Variants in UBAP2L observed in about 807,000 individuals in gnomAD.
UBAP2L encodes the protein ubiquitin-associated protein 2-like.
UBAP2L carries 12 observed loss-of-function variants against 130.6 expected under a neutral mutation model. The ratio of observed to expected loss-of-function variants is 0.09; its 90% CI spans 0.06 to 0.15. The LOEUF is 0.15. Ranked by LOEUF, UBAP2L falls within the 10% of genes least tolerant of loss-of-function variation. UBAP2L has a pLI of 1.00. For synonymous variants in UBAP2L, 503 were observed against 524.7 expected, an observed-to-expected ratio of 0.96 and a Z score of 0.57; for missense variants, 965 against 1,332.5, an observed-to-expected ratio of 0.72 and a Z score of 4.29.
At chr1:154,236,990 G>T in intron 7 of UBAP2L, 34 bp from the exon 8 acceptor site, 1 of 1,541,100 alleles carries the variant, frequency 6.5e-7, no homozygotes, top group Non-Finnish European at 9.0e-7. Context: ...AAGCTGCTTA[G>T]AGGTCAGAGA....
intron 26 of UBAP2L, chr1:154,269,845 A>G: frequency 4.4e-6 from 1 of 228,758 alleles, no homozygotes. Flanking sequence ...AAATTGAGGC[A>G]TTAATGGGGA....
intron 11 of UBAP2L, among the ~76,000 whole-genome samples, chr1:154,247,813 G>A (rs1009299100): frequency 2.0e-5 from 3 of 152,076 alleles, no homozygotes; most frequent in Non-Finnish European, 4.4e-5. Flanking sequence ...TAATCAATAT[G>A]TTAGATAATG....
chr1:154,225,461 TTTTATC>T (rs931269708), intron 2 of UBAP2L, among the ~76,000 whole-genome samples: 1 of 152,086 alleles, frequency 6.6e-6, no homozygotes, highest in African/African-American at 2.4e-5. Context: ...GTCCTGTGCT[TTTTATC>T]TTTTTTTTTT....
intron 26 of UBAP2L, chr1:154,269,396 G>A (rs749828951): frequency 2.4e-5 from 31 of 1,312,646 alleles, no homozygotes; most frequent in Admixed American, 9.1e-5. Context: ...TGTTGCCAGC[G>A]CCAGCAGGAG....
chr1:154,242,322 A>G (rs564404199), intron 9 of UBAP2L, among the ~76,000 whole-genome samples: 1 of 152,338 alleles, frequency 6.6e-6, no homozygotes, highest in African/African-American at 2.4e-5. Context: ...AGCTTTTGTG[A>G]TAAGAGGAAA....
chr1:154,259,726 TG>T (rs1400432307), intron 21 of UBAP2L: 1 of 685,598 alleles, frequency 1.5e-6, no homozygotes, highest in Non-Finnish European at 2.6e-6. Flanking sequence ...TATTCTCAAG[TG>T]GGCATACCCG....
In UBAP2L at chr1:154,270,493, A is replaced by G. The variant is rs1457899160; in HGVS notation, c.*198A>G. ...CTGTTGTATGTATTATAGGATTTGT[A>G]TTTTCTCCTTTTTTTTCCCCCTTCC... On this transcript the variant is annotated 3_prime_UTR_variant, in exon 27 of 27. Transcript: ENST00000428931. 1.4e-6 allele frequency: 2 copies of G among 1,433,218 alleles called. No homozygotes were observed. Among genetic ancestry groups the G allele is most frequent in the East Asian group, 2.7e-5 (1 of 37,466 alleles). The allele number at this position is 1,433,218 out of a possible 1,614,324, so 88.8% of individuals were successfully genotyped here.
At chr1:154,224,693 TCTC>T (rs898200075) in intron 1 of UBAP2L, among the ~76,000 whole-genome samples, 7 of 152,228 alleles carry the variant, frequency 4.6e-5, no homozygotes, top group Non-Finnish European at 8.8e-5. Flanking sequence ...TGTAGACTAA[TCTC>T]CTTCCTGGAA....
rs370017648 is a variant in UBAP2L at position 154,270,770 on chromosome 1, G to GTTTTTTTTTTTTTTTT, written c.*476_*491dup. The GTTTTTTTTTTTTTTTT allele has an allele frequency of 7.8e-5, 72 of 922,502 alleles. 1 individual carries two copies. Among genetic ancestry groups the GTTTTTTTTTTTTTTTT allele is most frequent in the East Asian group, 1.8e-4 (2 of 11,244 alleles). The allele number at this position is 922,502 out of a possible 1,614,324, so 57.1% of individuals were successfully genotyped here. On this transcript the variant is annotated 3_prime_UTR_variant, in exon 27 of 27. Transcript: ENST00000428931. Reference sequence around the variant, plus strand: ...AATTAGTTGAAGTGGTTTTTTTTTTGTTTTTTTTTTTTTTTTGTACTGTGT... The same window carrying GTTTTTTTTTTTTTTTT: ...AATTAGTTGAAGTGGTTTTTTTTTTGTTTTTTTTTTTTTTTTTTTTTTTTTTTTTTTTGTACTGTGT...
intron 24 of UBAP2L, 139 bp from the exon 25 acceptor site, chr1:154,266,362 A>T (rs1683228233): frequency 1.2e-6 from 1 of 826,418 alleles, no homozygotes; most frequent in Admixed American, 1.8e-5. Context: ...ACCTCTCAGG[A>T]CTAACTTGAA....
At chr1:154,244,858 A>G (rs1419465650) in intron 10 of UBAP2L, among the ~76,000 whole-genome samples, 1 of 100,442 alleles carries the variant, frequency 1.0e-5, no homozygotes, top group Non-Finnish European at 2.2e-5. Context: ...TGGTGATTGG[A>G]CTTAATAGCC....
chr1:154,269,236 C>T, intron 26 of UBAP2L: 1 of 1,019,728 alleles, frequency 9.8e-7, no homozygotes, highest in East Asian at 2.9e-5. Context: ...AGACCTGGGT[C>T]ACACCTTCCC....
At chr1:154,241,409 C>T (rs1673586558) in intron 8 of UBAP2L, 104 bp from the exon 9 acceptor site, 2 of 1,120,828 alleles carry the variant, frequency 1.8e-6, no homozygotes, top group Non-Finnish European at 1.3e-6. Context: ...AAATTTTAGT[C>T]ATACTTTTGG....
At position 154,258,909 on chromosome 1, in the gene UBAP2L, C is replaced by G. The variant is rs1331305498; in HGVS notation, c.2443-68C>G. On this transcript the variant is annotated intron_variant, in intron 20 of 26. Transcript: ENST00000428931. ...TGAATGTTCTGTTGAATTAGCTTGT[C>G]TCTTGGCTCCTTGTTTTGCTAACAT... The G allele has an allele frequency of 2.2e-6, 3 of 1,336,368 alleles. No individual in the cohort carries two copies. The Admixed American group carries it at 5.1e-5, about 23-fold the overall frequency. The allele number at this position is 1,336,368 out of a possible 1,614,324, so 82.8% of individuals were successfully genotyped here.
chr1:154,269,210 T>G, intron 26 of UBAP2L: 1 of 847,914 alleles, frequency 1.2e-6, no homozygotes, highest in East Asian at 2.8e-5. Flanking sequence ...TGTGCCACAG[T>G]TGTCCTCATC....
At chr1:154,250,691 T>C (rs1419822851) in intron 12 of UBAP2L, among the ~76,000 whole-genome samples, 1 of 151,824 alleles carries the variant, frequency 6.6e-6, no homozygotes, top group Non-Finnish European at 1.5e-5. Context: ...CCGTGTCTAC[T>C]AAAAACACAA....
chr1:154,238,851 A>G (rs931382912), intron 8 of UBAP2L, among the ~76,000 whole-genome samples: 10 of 151,586 alleles, frequency 6.6e-5, no homozygotes, highest in Admixed American at 2.0e-4. Flanking sequence ...AGCTATTCTC[A>G]TGTCTCAGCC....
chr1:154,228,553 T>A, intron 3 of UBAP2L, 62 bp from the exon 4 acceptor site: 1 of 1,271,330 alleles, frequency 7.9e-7, no homozygotes, highest in Non-Finnish European at 1.1e-6. Context: ...TCACCTAGTT[T>A]CCTTTCATTG....
In UBAP2L at chr1:154,251,228, G is replaced by T. The variant is rs563548429; in HGVS notation, c.1401G>T (p.Ser467=). The T allele has an allele frequency of 3.1e-6, 5 of 1,614,074 alleles. No homozygotes were observed. The highest frequency in any genetic ancestry group is 1.7e-5 in the Admixed American group (1 of 59,994). ...AATCCACATCGGCTCCACAGATGTCGCCTGGATCTTCAGACAACCAGTCCT... is the reference window on the plus strand; with the variant it reads ...AATCCACATCGGCTCCACAGATGTCTCCTGGATCTTCAGACAACCAGTCCT... ...PSKSTSAPQM[S]PGSSDNQSSS... is the part of the protein sequence containing the mutation. The change falls in exon 13 of 27, where the codon TCG becomes TCT. Residue 467 remains serine (S), a synonymous_variant. Transcript: ENST00000428931.
Sources: gnomAD v4.1 joint callset for allele counts (sites outside exome capture counted in the v4.1 genomes callset) on GRCh38, gnomAD v4.1.1 for gene constraint, MANE v1.5 for transcripts, NCBI Gene and HGNC (gene_info 2026-07-23, HGNC 2026-07-21) for gene names.